ATP8A2: variants seen among roughly 807,000 people sequenced by gnomAD.
ATP8A2 encodes ATPase phospholipid transporting 8A2, also known as phospholipid-transporting ATPase IB.
Under a neutral mutation model 165.6 loss-of-function variants are expected in ATP8A2, and 100 were observed. The observed-to-expected ratio is 0.60, with a 90% CI of 0.51 to 0.71. The LOEUF (loss-of-function observed/expected upper bound fraction) is 0.71. ATP8A2 is among the 30% of genes least tolerant of loss of function. The pLI is 0.00. For synonymous variants in ATP8A2, 543 were observed against 548.8 expected (o/e 0.99, Z 0.15); for missense variants, 1,227 against 1,479.5 (o/e 0.83, Z 2.80).
intron 26 of ATP8A2, among the ~76,000 whole-genome samples, chr13:25,769,937 G>A (rs554144466): frequency 6.6e-5 from 10 of 152,238 alleles, no homozygotes; most frequent in African/African-American, 2.2e-4. Flanking sequence ...GGTCCACTCC[G>A]TAATGATAGC....
intron 33 of ATP8A2, among the ~76,000 whole-genome samples, chr13:25,862,917 T>C (rs1226344003): frequency 1.3e-5 from 2 of 152,224 alleles, no homozygotes; most frequent in African/African-American, 2.4e-5. Context: ...GAGGCTGAGA[T>C]TGAAGACCTT....
intron 24 of ATP8A2, among the ~76,000 whole-genome samples, chr13:25,650,935 G>T (rs574266054): frequency 6.6e-6 from 1 of 152,016 alleles, no homozygotes; most frequent in Non-Finnish European, 1.5e-5. Flanking sequence ...AATGTAATTT[G>T]CCTATAGTGT....
At chr13:25,803,375 A>C (rs1950662132) in intron 27 of ATP8A2, among the ~76,000 whole-genome samples, 1 of 152,334 alleles carries the variant, frequency 6.6e-6, no homozygotes, top group African/African-American at 2.4e-5. Context: ...CAAAATGAGA[A>C]CCTCAGTGTT....
intron 33 of ATP8A2, among the ~76,000 whole-genome samples, chr13:25,952,107 C>A (rs1955383667): frequency 6.6e-6 from 1 of 152,094 alleles, no homozygotes; most frequent in Non-Finnish European, 1.5e-5. Flanking sequence ...TTTAACAATT[C>A]CTTTGCATTC....
At chr13:25,611,716 C>A (rs1365582074) in intron 24 of ATP8A2, among the ~76,000 whole-genome samples, 1 of 152,008 alleles carries the variant, frequency 6.6e-6, no homozygotes, top group Non-Finnish European at 1.5e-5. Flanking sequence ...GGATTGGTAC[C>A]AATGCTTTGA....
chr13:25,657,431 A>G (rs2041958303), intron 24 of ATP8A2, among the ~76,000 whole-genome samples: 1 of 152,078 alleles, frequency 6.6e-6, no homozygotes, highest in African/African-American at 2.4e-5. Context: ...CAGCAACATA[A>G]ATGTCTTTCA....
chr13:25,737,851 T>G (rs2138126577), intron 25 of ATP8A2, among the ~76,000 whole-genome samples: 1 of 152,004 alleles, frequency 6.6e-6, no homozygotes, highest in Non-Finnish European at 1.5e-5. Flanking sequence ...GCCTGACTAA[T>G]TTTTTTGTAT....
chr13:25,576,148 T>C (rs1230652797), intron 19 of ATP8A2, among the ~76,000 whole-genome samples: 4 of 152,008 alleles, frequency 2.6e-5, no homozygotes, highest in African/African-American at 9.7e-5. Context: ...TCTAAGATAG[T>C]TGAGAGAGAA....
At chr13:25,531,369 T>C (rs1322083147) in intron 4 of ATP8A2, among the ~76,000 whole-genome samples, 2 of 125,526 alleles carry the variant, frequency 1.6e-5, no homozygotes, top group Admixed American at 8.7e-5. Flanking sequence ...ATATGATATA[T>C]ATATGTTATA....
intron 24 of ATP8A2, among the ~76,000 whole-genome samples, chr13:25,688,389 G>A (rs180849273): frequency 7.4e-6 from 1 of 134,704 alleles, no homozygotes; most frequent in Admixed American, 7.9e-5. Flanking sequence ...GAAGCCTTTC[G>A]GCCAGGTGTG....
At chr13:25,951,750 G>C (rs1335561706) in intron 33 of ATP8A2, among the ~76,000 whole-genome samples, 1 of 152,112 alleles carries the variant, frequency 6.6e-6, no homozygotes, top group East Asian at 1.9e-4. Context: ...TAATTTTTGT[G>C]GTTTCAAAAT....
At chr13:25,657,352 T>C (rs2041956162) in intron 24 of ATP8A2, among the ~76,000 whole-genome samples, 1 of 152,186 alleles carries the variant, frequency 6.6e-6, no homozygotes, top group African/African-American at 2.4e-5. Flanking sequence ...TCTCAGATAC[T>C]GACTCTGTGC....
At chr13:25,984,531 G>A (rs1223023808) in intron 35 of ATP8A2, among the ~76,000 whole-genome samples, 1 of 151,976 alleles carries the variant, frequency 6.6e-6, no homozygotes, top group Non-Finnish European at 1.5e-5. Flanking sequence ...TTGATCCCGG[G>A]AGGTAGAGGT....
At chr13:25,558,949 T>G (rs750746645) in intron 13 of ATP8A2, 24 bp from the exon 14 acceptor site, 1 of 1,476,808 alleles carries the variant, frequency 6.8e-7, no homozygotes, top group South Asian at 1.2e-5. Context: ...TCCTGATGTA[T>G]ATTTCTTTTA....
At chr13:25,705,110 AAG>A (rs564250552) in intron 25 of ATP8A2, 186 of 405,454 alleles carry the variant, frequency 4.6e-4, no homozygotes, top group African/African-American at 3.6e-3. Context: ...ATGTTCAAGA[AAG>A]AGTTATCTGT....
At chr13:25,622,567 A>C (rs1389216066) in intron 24 of ATP8A2, among the ~76,000 whole-genome samples, 1 of 152,192 alleles carries the variant, frequency 6.6e-6, no homozygotes, top group Non-Finnish European at 1.5e-5. Context: ...CAGTCCAAAA[A>C]TCCAAAATCC....
intron 35 of ATP8A2, among the ~76,000 whole-genome samples, chr13:25,989,364 A>G (rs1956337619): frequency 6.6e-6 from 1 of 152,262 alleles, no homozygotes; most frequent in South Asian, 2.1e-4. Context: ...CATATCAGAG[A>G]TATCAATGAT....
chr13:25,869,971 G>A (rs1415001025), intron 33 of ATP8A2, among the ~76,000 whole-genome samples: 1 of 152,198 alleles, frequency 6.6e-6, no homozygotes, highest in African/African-American at 2.4e-5. Context: ...TTCTTGCCTT[G>A]GTTTACCGGA....
intron 1 of ATP8A2, among the ~76,000 whole-genome samples, chr13:25,397,799 A>G (rs2033480200): frequency 3.3e-5 from 5 of 152,302 alleles, no homozygotes; most frequent in Admixed American, 3.3e-4. Context: ...AAACCAATAC[A>G]TATAAGGTGT....
Sources: allele counts gnomAD v4.1 joint callset (sites outside exome capture counted in the v4.1 genomes callset), GRCh38; gene constraint gnomAD v4.1.1; transcripts MANE v1.5; gene names NCBI Gene and HGNC (gene_info 2026-07-23, HGNC 2026-07-21).